The following CCDC148 variants were observed in gnomAD, a reference collection of about 807,000 sequenced individuals.
CCDC148 encodes coiled-coil domain-containing protein 148.
In CCDC148, 89 loss-of-function variants were observed where a neutral mutation model predicts 85.7. The ratio of observed to expected loss-of-function variants is 1.04; its 90% CI spans 0.87 to 1.24. The LOEUF (loss-of-function observed/expected upper bound fraction) is 1.24, where lower values mean the gene tolerates loss of function less well. CCDC148 is among the 50% of genes most tolerant of loss of function. The pLI, the probability that CCDC148 is intolerant of heterozygous loss-of-function variation, is 0.00. For synonymous variants in CCDC148, 230 were observed against 213.9 expected (o/e 1.08, Z -0.66); for missense variants, 692 against 671.7 (o/e 1.03, Z -0.33).
rs760876265 is a variant in CCDC148, at chr2:158,251,419, T to C, written c.1111-507A>G. ...ACTTTCTGGGTACTGGTATGTGTTA[T>C]TGGCAGAAGTATACTTGCTACAGCC... is the stretch of plus-strand genomic sequence containing the variant. On this transcript the variant is annotated intron_variant, in intron 9 of 13. Transcript: ENST00000283233. Among the ~76,000 whole-genome samples the C allele has an allele frequency of 4.3e-4, 65 of 151,874 alleles. 1 individual carries two copies. The highest frequency in any genetic ancestry group is 1.5e-4 in the Non-Finnish European group (10 of 67,832).
At chr2:158,333,087 T>G (rs1457388320) in intron 7 of CCDC148, among the ~76,000 whole-genome samples, 1 of 152,188 alleles carries the variant, frequency 6.6e-6, no homozygotes, top group Non-Finnish European at 1.5e-5. Flanking sequence ...TTTGAATGTG[T>G]TTGCTCTTGC....
intron 10 of CCDC148, among the ~76,000 whole-genome samples, chr2:158,243,862 G>T (rs1433348022): frequency 6.6e-6 from 1 of 150,486 alleles, no homozygotes; most frequent in East Asian, 2.0e-4. Flanking sequence ...ACTATAAGCA[G>T]CAGAAAGAAT....
intron 7 of CCDC148, 172 bp downstream of exon 7, chr2:158,338,554 T>A (rs1682505396): frequency 1.9e-6 from 1 of 521,750 alleles, no homozygotes; most frequent in African/African-American, 2.0e-5. Flanking sequence ...TGTCAAGAAA[T>A]TTTTTTGAAA....
intron 1 of CCDC148, among the ~76,000 whole-genome samples, chr2:158,433,074 C>CAAAAAAAAAAA (rs755383954): frequency 2.0e-4 from 15 of 74,010 alleles, no homozygotes; most frequent in Non-Finnish European, 3.0e-4. Flanking sequence ...CTCATCTCTA[C>CAAAAAAAAAAA]AAAAAAAAAA....
At chr2:158,406,613 C>CTT (rs61612452) in intron 1 of CCDC148, among the ~76,000 whole-genome samples, 3,528 of 31,374 alleles carry the variant, frequency 0.11, 377 homozygotes, top group Non-Finnish European at 0.13. Flanking sequence ...GATTAAATTT[C>CTT]TTTTTTTTTT....
chr2:158,381,351 AT>A (rs1399553804), intron 1 of CCDC148, among the ~76,000 whole-genome samples: 3 of 152,210 alleles, frequency 2.0e-5, no homozygotes, highest in Admixed American at 6.5e-5. Context: ...CAAGTGGCCA[AT>A]AAACATATTA....
intron 7 of CCDC148, among the ~76,000 whole-genome samples, chr2:158,332,852 T>C (rs1693210893): frequency 6.6e-6 from 1 of 151,460 alleles, no homozygotes; most frequent in Non-Finnish European, 1.5e-5. Context: ...GATGGTAGTT[T>C]GTATTTCTGT....
rs368107299 is a variant in CCDC148 at position 158,214,571 on chromosome 2, T to C, written c.1370+6024A>G. 1.8e-4 allele frequency among the ~76,000 whole-genome samples: 27 copies of C among 152,336 alleles called. No individual in the cohort carries two copies. The South Asian group carries it at 5.6e-3, about 32-fold the overall frequency. ...GCACAATAATATTCAGGGTCATGTT[T>C]CATTCTTTGTCTTCCTTTAGCCTCC... On this transcript the variant is annotated intron_variant, in intron 11 of 13. Coordinates refer to ENST00000283233, the MANE Select transcript of CCDC148 (RefSeq NM_138803.4).
chr2:158,194,167 G>A (rs1685555035), intron 11 of CCDC148, among the ~76,000 whole-genome samples: 1 of 151,932 alleles, frequency 6.6e-6, no homozygotes, highest in African/African-American at 2.4e-5. Flanking sequence ...GAAGGGTGTT[G>A]GCAATTTTTT....
At chr2:158,176,682 C>T (rs762996356) in intron 12 of CCDC148, 21 bp from the exon 13 acceptor site, 11 of 1,610,328 alleles carry the variant, frequency 6.8e-6, no homozygotes, top group South Asian at 1.1e-5. Flanking sequence ...GAAAGCATGG[C>T]TACTTGGAAC....
intron 1 of CCDC148, among the ~76,000 whole-genome samples, chr2:158,437,168 C>T (rs978349602): frequency 2.0e-5 from 3 of 152,068 alleles, no homozygotes; most frequent in East Asian, 1.9e-4. Flanking sequence ...GGCAGAGACA[C>T]AACCAAAAAA....
At chr2:158,227,080 C>A (rs957592150) in intron 10 of CCDC148, among the ~76,000 whole-genome samples, 8 of 152,132 alleles carry the variant, frequency 5.3e-5, no homozygotes, top group African/African-American at 1.4e-4. Flanking sequence ...CCAAAATCTC[C>A]TTAAGCTGAT....
intron 1 of CCDC148, among the ~76,000 whole-genome samples, chr2:158,385,935 GT>G (rs1269042306): frequency 6.6e-6 from 1 of 152,080 alleles, no homozygotes. Context: ...TGTCTCCCTG[GT>G]TTTCTGTGCT....
At chr2:158,284,365 A>G (rs1383652385) in intron 9 of CCDC148, among the ~76,000 whole-genome samples, 2 of 152,192 alleles carry the variant, frequency 1.3e-5, no homozygotes, top group African/African-American at 2.4e-5. Flanking sequence ...AGTATTTTTT[A>G]TAATTAATAA....
chr2:158,454,764 T>C (rs1234875152), intron 1 of CCDC148, among the ~76,000 whole-genome samples: 1 of 152,244 alleles, frequency 6.6e-6, no homozygotes, highest in Non-Finnish European at 1.5e-5. Context: ...ATGAAGTGAT[T>C]CTTTAACCTT....
intron 1 of CCDC148, among the ~76,000 whole-genome samples, chr2:158,433,602 A>G (rs1687481455): frequency 2.0e-5 from 3 of 152,146 alleles, no homozygotes; most frequent in Admixed American, 2.0e-4. Context: ...CAACTGAGGT[A>G]CCAGATTCAT....
At chr2:158,330,939 G>T (rs1028925634) in intron 7 of CCDC148, among the ~76,000 whole-genome samples, 1 of 151,914 alleles carries the variant, frequency 6.6e-6, no homozygotes, top group Non-Finnish European at 1.5e-5. Flanking sequence ...TATCAATTTT[G>T]TTGATCTTTT....
chr2:158,179,106 ATT>A (rs557913954), intron 11 of CCDC148, 110 bp from the exon 12 acceptor site: 74 of 464,398 alleles, frequency 1.6e-4, no homozygotes, highest in Middle Eastern at 6.0e-4. Flanking sequence ...GCACTGTCAC[ATT>A]TTTTTTTTTA....
chr2:158,452,790 T>G lies in CCDC148; in HGVS notation c.25+3625A>C, dbSNP rs576051492. ...CTGCCTCCTTCAAGGGCTGTGGATA[T>G]ACGTACTAGGAAGCATTTCTATTAC... is the stretch of plus-strand genomic sequence containing the variant. On this transcript the variant is annotated intron_variant, in intron 1 of 13. Coordinates refer to ENST00000283233, the MANE Select transcript of CCDC148 (RefSeq NM_138803.4). 2.0e-5 allele frequency among the ~76,000 whole-genome samples: 3 copies of G among 152,308 alleles called. No homozygotes were observed. The South Asian group carries it at 6.2e-4, about 32-fold the overall frequency.
Sources: gnomAD v4.1 joint callset for allele counts (sites outside exome capture counted in the v4.1 genomes callset) on GRCh38, gnomAD v4.1.1 for gene constraint, MANE v1.5 for transcripts, NCBI Gene and HGNC (gene_info 2026-07-23, HGNC 2026-07-21) for gene names.